SSH2: variants seen among roughly 807,000 people sequenced by gnomAD.
SSH2 encodes the protein slingshot protein phosphatase 2, also known as protein phosphatase Slingshot homolog 2.
A neutral mutation model predicts 135.2 loss-of-function variants in SSH2; 37 were observed. The observed-to-expected ratio is 0.27, with a 90% CI of 0.21 to 0.36. SSH2 has a LOEUF of 0.36. SSH2 is among the 10% of genes least tolerant of loss of function. The probability of loss-of-function intolerance (pLI) is 1.00; values close to 1 mark genes in which losing one functional copy is unlikely to be tolerated. For missense variants in SSH2, 1,408 were observed against 1,765.3 expected, an observed-to-expected ratio of 0.80 and a Z score of 3.63; for synonymous variants, 628 against 646.2, an observed-to-expected ratio of 0.97 and a Z score of 0.43.
chr17:29,734,317 G>A (rs1402320170), intron 3 of SSH2, among the ~76,000 whole-genome samples: 3 of 152,128 alleles, frequency 2.0e-5, no homozygotes, highest in East Asian at 1.9e-4. Context: ...AATTGCCAGC[G>A]CAAATAAGCA....
At chr17:29,821,476 G>A (rs888541189) in intron 2 of SSH2, among the ~76,000 whole-genome samples, 3 of 150,292 alleles carry the variant, frequency 2.0e-5, no homozygotes, top group African/African-American at 5.0e-5. Flanking sequence ...TTGAACAAGC[G>A]AGTTATTGGA....
At position 29,632,178 on chromosome 17, in the gene SSH2, G is replaced by A; in HGVS notation, c.3016C>T (p.Gln1006Ter). Residue 1006 changes from glutamine (Q) to a stop codon, truncating the protein, a stop_gained, in exon 16 of 16, where the codon CAG (glutamine) becomes TAG (stop). Coordinates refer to ENST00000540801, the MANE Select transcript of SSH2 (RefSeq NM_001282129.2). LOFTEE classifies it high-confidence loss of function. ...AGATCCTTCAGGACTCCTTCCTGCT[G>A]TGTTCCAGTATCTGACCCTGGGCCC... is the stretch of plus-strand genomic sequence containing the variant. ...QEGPGSDTGT[Q>*]QEGVLKDLRT... 6.2e-7 allele frequency: 1 copy of A among 1,614,028 alleles called. No individual in the cohort carries two copies. Among genetic ancestry groups the A allele is most frequent in the Non-Finnish European group, 8.5e-7 (1 of 1,180,004 alleles).
chr17:29,645,311 C>T (rs1036509292), intron 14 of SSH2: 1 of 152,136 alleles, frequency 6.6e-6, no homozygotes, highest in African/African-American at 2.4e-5. Context: ...GACTCAAATT[C>T]TGTGCTTTTC....
At chr17:29,922,026 A>AG (rs1401441846) in intron 1 of SSH2, among the ~76,000 whole-genome samples, 2 of 152,126 alleles carry the variant, frequency 1.3e-5, no homozygotes, top group African/African-American at 4.8e-5. Flanking sequence ...CCATGATCTG[A>AG]GGGGGTGGAG....
chr17:29,761,372 C>T (rs1170860172), intron 3 of SSH2: 4 of 1,068,924 alleles, frequency 3.7e-6, no homozygotes, highest in Middle Eastern at 4.5e-4. Context: ...CGGAGGCGGG[C>T]CCGCCGGGTC....
chr17:29,770,099 T>G (rs12947052), intron 3 of SSH2, among the ~76,000 whole-genome samples: 3 of 83,242 alleles, frequency 3.6e-5, no homozygotes, highest in African/African-American at 8.8e-5. Flanking sequence ...TTAGTTTTTT[T>G]TTTTTTTTTT....
intron 11 of SSH2, among the ~76,000 whole-genome samples, chr17:29,664,287 C>T (rs1028313100): frequency 2.0e-5 from 3 of 150,608 alleles, no homozygotes; most frequent in Non-Finnish European, 2.9e-5. Flanking sequence ...GCAGGTGAAT[C>T]GTGTGAACCT....
chr17:29,635,109 G>A (rs1158985952), intron 15 of SSH2, among the ~76,000 whole-genome samples: 1 of 151,820 alleles, frequency 6.6e-6, no homozygotes, highest in African/African-American at 2.4e-5. Context: ...TCACCATGTT[G>A]GTCAGTCTGG....
At chr17:29,821,036 C>G (rs1265629206) in intron 2 of SSH2, among the ~76,000 whole-genome samples, 1 of 152,166 alleles carries the variant, frequency 6.6e-6, no homozygotes, top group Non-Finnish European at 1.5e-5. Context: ...ATTCTTAGCA[C>G]TGCATCCCAG....
chr17:29,850,458 A>T (rs2065534659), intron 1 of SSH2, among the ~76,000 whole-genome samples: 1 of 152,256 alleles, frequency 6.6e-6, no homozygotes, highest in Non-Finnish European at 1.5e-5. Flanking sequence ...GCTGTGTTTC[A>T]TCTAAAGTAT....
At chr17:29,801,071 G>C (rs1305891876) in intron 2 of SSH2, among the ~76,000 whole-genome samples, 1 of 151,842 alleles carries the variant, frequency 6.6e-6, no homozygotes, top group Non-Finnish European at 1.5e-5. Flanking sequence ...TGCCATGTTG[G>C]CCAGGCTGGT....
intron 1 of SSH2, among the ~76,000 whole-genome samples, chr17:29,893,857 A>G (rs189906958): frequency 1.3e-5 from 2 of 152,248 alleles, no homozygotes; most frequent in African/African-American, 4.8e-5. Context: ...CTTTTAAAGA[A>G]CTATCTTAAA....
rs1047210235 is a variant in SSH2, at chr17:29,903,251, A to C, written c.63+26687T>G. 2.0e-5 allele frequency among the ~76,000 whole-genome samples: 3 copies of C among 148,072 alleles called. 1 individual carries two copies. Among genetic ancestry groups the C allele is most frequent in the South Asian group, 4.2e-4 (2 of 4,778 alleles). ...ATATTTATATATTAAAAATATATTTATATATTTAAAATATAATTTCAAAAT... is the reference window on the plus strand; with the variant it reads ...ATATTTATATATTAAAAATATATTTCTATATTTAAAATATAATTTCAAAAT... On this transcript the variant is annotated intron_variant, in intron 1 of 15. Coordinates refer to ENST00000540801, the MANE Select transcript of SSH2 (RefSeq NM_001282129.2).
chr17:29,809,810 G>A lies in SSH2; in HGVS notation c.145-15873C>T, dbSNP rs566961939. On this transcript the variant is annotated intron_variant, in intron 2 of 15. Coordinates refer to ENST00000540801, the MANE Select transcript of SSH2 (RefSeq NM_001282129.2). ...TGGCTCCGAGCAATCCTTCCACCTC[G>A]GCCTCCCAAAGTGCTGGGATTACAG... Among the ~76,000 whole-genome samples, 4 of 151,974 alleles carry A rather than the reference G, an allele frequency of 2.6e-5. No individual in the cohort carries two copies. In the East Asian group the frequency reaches 5.8e-4, roughly 22 times the overall value.
Position 29,794,370 on chromosome 17 carries a change from G to T in SSH2, c.145-433C>A, listed in dbSNP as rs377528069. On this transcript the variant is annotated intron_variant, in intron 2 of 15. Coordinates refer to ENST00000540801, the MANE Select transcript of SSH2 (RefSeq NM_001282129.2). ...ACACCACTTAAAAGAGAGTGCTCAT[G>T]ATCAAATCACCATCAACATCAACAT... Among the ~76,000 whole-genome samples the T allele has an allele frequency of 2.8e-4, 43 of 152,262 alleles. No homozygotes were observed. The East Asian group carries it at 7.5e-3, about 27-fold the overall frequency.
chr17:29,835,255 T>C (rs544725293), intron 2 of SSH2, among the ~76,000 whole-genome samples: 4 of 152,322 alleles, frequency 2.6e-5, no homozygotes, highest in Non-Finnish European at 5.9e-5. Context: ...AAAGAATAAG[T>C]GGACAGATTC....
chr17:29,736,680 A>G (rs1354101272), intron 3 of SSH2, among the ~76,000 whole-genome samples: 2 of 146,286 alleles, frequency 1.4e-5, no homozygotes, highest in African/African-American at 2.5e-5. Flanking sequence ...CCAGCTACTC[A>G]GGAGGCTGAG....
At chr17:29,849,687 C>T (rs2151388363) in intron 1 of SSH2, among the ~76,000 whole-genome samples, 1 of 151,246 alleles carries the variant, frequency 6.6e-6, no homozygotes, top group Non-Finnish European at 1.5e-5. Flanking sequence ...TAGCTCTCTG[C>T]TGCCAAGTGT....
intron 3 of SSH2, among the ~76,000 whole-genome samples, chr17:29,708,207 T>G (rs2039286075): frequency 2.0e-5 from 3 of 152,204 alleles, no homozygotes; most frequent in Non-Finnish European, 4.4e-5. Flanking sequence ...CTTGCCAGAA[T>G]AGTAAAAGAT....
Sources: gnomAD v4.1 joint callset for allele counts (sites outside exome capture counted in the v4.1 genomes callset) on GRCh38, gnomAD v4.1.1 for gene constraint, MANE v1.5 for transcripts, NCBI Gene and HGNC (gene_info 2026-07-23, HGNC 2026-07-21) for gene names.